The following PRP4K variants were observed in gnomAD, a reference collection of about 807,000 sequenced individuals.
PRP4K encodes the protein serine/threonine-protein kinase PRP4 homolog.
the PRP4K span, among the ~76,000 whole-genome samples, chr6:4,046,441 C>T: frequency 6.6e-6 from 1 of 151,728 alleles, no homozygotes; most frequent in Admixed American, 6.6e-5. Context: ...CTAGAAAATC[C>T]TTTTATTTTT....
chr6:4,038,161 T>C, the PRP4K span, among the ~76,000 whole-genome samples: 1 of 152,204 alleles, frequency 6.6e-6, no homozygotes, highest in Non-Finnish European at 1.5e-5. Context: ...AATAAATGAA[T>C]ATAATTTTTA....
the PRP4K span, among the ~76,000 whole-genome samples, chr6:4,041,771 T>C: frequency 6.6e-6 from 1 of 152,150 alleles, no homozygotes; most frequent in East Asian, 1.9e-4. Context: ...GAACTATCCA[T>C]ATCAAAAAAC....
the PRP4K span, among the ~76,000 whole-genome samples, chr6:4,025,962 A>G: frequency 1.3e-5 from 2 of 152,204 alleles, no homozygotes; most frequent in Non-Finnish European, 2.9e-5. Context: ...CTAAGAGTCT[A>G]TAATAGATAG....
the PRP4K span, among the ~76,000 whole-genome samples, chr6:4,037,881 A>C: frequency 6.6e-6 from 1 of 151,530 alleles, no homozygotes; most frequent in Middle Eastern, 3.4e-3. Flanking sequence ...TTAACCAGCA[A>C]GGTAGATCAT....
the PRP4K span, chr6:4,037,592 GA>G: frequency 6.2e-7 from 1 of 1,603,290 alleles, no homozygotes; most frequent in African/African-American, 1.3e-5. Flanking sequence ...TCATCCTTGT[GA>G]TTCATTAAAC....
the PRP4K span, among the ~76,000 whole-genome samples, chr6:4,023,447 T>C: frequency 1.3e-5 from 2 of 152,366 alleles, no homozygotes; most frequent in East Asian, 1.9e-4. Flanking sequence ...ACTCAGGCAG[T>C]CTGGTTCTAA....
the PRP4K span, chr6:4,041,037 T>C: frequency 5.1e-6 from 6 of 1,165,924 alleles, no homozygotes; most frequent in South Asian, 9.7e-5. Context: ...GCTCCATTAA[T>C]TTGGCTCTGA....
chr6:4,058,839 AAT>A, the PRP4K span: 2 of 1,541,302 alleles, frequency 1.3e-6, no homozygotes, highest in Non-Finnish European at 1.8e-6. Context: ...TGCAGCATGC[AAT>A]AGTTATTTTA....
chr6:4,021,569 A>C, the PRP4K span: 1 of 1,495,248 alleles, frequency 6.7e-7, no homozygotes, highest in Non-Finnish European at 9.1e-7. Context: ...CGAGAGTCAA[A>C]CTTTGCTTTT....
At chr6:4,028,684 A>C in the PRP4K span, among the ~76,000 whole-genome samples, 4 of 152,184 alleles carry the variant, frequency 2.6e-5, no homozygotes, top group African/African-American at 9.7e-5. Flanking sequence ...CACATCTCTT[A>C]AATACCTTTT....
the PRP4K span, among the ~76,000 whole-genome samples, chr6:4,030,104 G>T: frequency 6.6e-6 from 1 of 151,988 alleles, no homozygotes; most frequent in Non-Finnish European, 1.5e-5. Flanking sequence ...CGCTACATCT[G>T]GCTAATTTTT....
chr6:4,026,913 A>G, the PRP4K span, among the ~76,000 whole-genome samples: 3 of 152,218 alleles, frequency 2.0e-5, no homozygotes, highest in African/African-American at 7.2e-5. Context: ...CAAGGTAGCC[A>G]GGAATGCATG....
chr6:4,064,352 A>C, the PRP4K span: 1 of 152,540 alleles, frequency 6.6e-6, no homozygotes, highest in East Asian at 1.9e-4. Flanking sequence ...CCATATTTGC[A>C]TTCCTCTTAT....
the PRP4K span, among the ~76,000 whole-genome samples, chr6:4,044,817 G>A: frequency 1.3e-5 from 2 of 151,414 alleles, no homozygotes; most frequent in Non-Finnish European, 2.9e-5. Flanking sequence ...ACTTGTTGGA[G>A]GGCAGAACCT....
the PRP4K span, chr6:4,053,019 A>G: frequency 2.0e-4 from 149 of 735,656 alleles, no homozygotes; most frequent in Non-Finnish European, 7.4e-5. Context: ...ATACTTTTTT[A>G]TCTTTCTTGG....
the PRP4K span, chr6:4,050,413 G>A: frequency 3.8e-6 from 2 of 527,912 alleles, no homozygotes; most frequent in African/African-American, 3.8e-5. Flanking sequence ...TTAATTCAGT[G>A]CATTTTAGTA....
At chr6:4,044,154 A>G in the PRP4K span, 62 of 738,540 alleles carry the variant, frequency 8.4e-5, no homozygotes, top group Non-Finnish European at 1.2e-4. Context: ...TGAATATTGC[A>G]GTAATATAAT....
the PRP4K span, chr6:4,064,659 T>G: frequency 4.6e-5 from 7 of 152,648 alleles, no homozygotes; most frequent in African/African-American, 1.7e-4. Context: ...CCTAATGGAA[T>G]GTCTTCCTTA....
At chr6:4,058,743 G>A in the PRP4K span, 27 of 1,612,842 alleles carry the variant, frequency 1.7e-5, no homozygotes, top group Non-Finnish European at 2.1e-5. Flanking sequence ...TCGAAAAGGT[G>A]TGTTCAAAGA....
Sources: allele counts gnomAD v4.1 joint callset (sites outside exome capture counted in the v4.1 genomes callset), GRCh38; gene constraint gnomAD v4.1.1; transcripts MANE v1.5; gene names NCBI Gene and HGNC (gene_info 2026-07-23, HGNC 2026-07-21).